Variants in KLHDC7B observed in about 807,000 individuals in gnomAD.
KLHDC7B encodes the protein kelch domain containing 7B.
A neutral mutation model predicts 0.6 loss-of-function variants in KLHDC7B; 1 was observed. That is an observed-to-expected ratio of 1.71 (90% CI 0.61 to 8.11). The LOEUF (loss-of-function observed/expected upper bound fraction) is 8.11. KLHDC7B is among the 30% of genes most tolerant of loss of function. The probability of loss-of-function intolerance (pLI) is 0.13; values close to 1 mark genes in which losing one functional copy is unlikely to be tolerated. For synonymous variants in KLHDC7B, 462 were observed against 405.2 expected (o/e 1.14, Z -1.68); for missense variants, 993 against 894.9 (o/e 1.11, Z -1.40).
Position 50,550,006 on chromosome 22 carries a change from G to A in KLHDC7B, c.*55G>A. 6.9e-7 allele frequency: 1 copy of A among 1,450,798 alleles called. No individual in the cohort carries two copies. 89.9% of individuals were successfully genotyped at this position (1,450,798 alleles called of 1,614,324 possible). A position where few individuals can be genotyped will look rare whatever the true frequency, so the allele number is the denominator to read the frequency against. On this transcript the variant is annotated 3_prime_UTR_variant, in exon 1 of 1. Transcript: ENST00000648057. ...CTGCTCTCCAGGGAGACCCTCCTGG[G>A]ATGGGCCTGAGAGGCCGGGGCTCAG...
In KLHDC7B at chr22:50,548,618, CG is replaced by C; in HGVS notation, c.457del (p.Asp153ThrfsTer93). The C allele has an allele frequency of 6.5e-7, 1 of 1,542,628 alleles. No individual in the cohort carries two copies. ...GAGCAGGAGGTCAGGCCGGCCGCCT[CG>C]GGGGACCCTCAAGGGGAGGCGCCGG... On this transcript the variant is annotated frameshift_variant, in exon 1 of 1. Coordinates refer to the KLHDC7B transcript ENST00000395676. LOFTEE classifies it low-confidence loss of function (END_TRUNC). The surrounding 1 kb of genome is among the most constrained non-coding windows in gnomAD (Gnocchi z 5.3).
In KLHDC7B at chr22:50,549,045, G is replaced by C. The variant is rs1323256698; in HGVS notation, c.2802G>C (p.Gln934His). ...TCCTCGTACTGCCCAGCCTCTACCA[G>C]GGGGGCCGCTCAGGGCTCCCCAGGG... ...LGVLVLPSLY[Q>H]GGRSGLPRGP... Residue 934 changes from glutamine to histidine, a missense_variant, in exon 1 of 1, where the codon CAG becomes CAC. Gln to His is a conservative substitution (Grantham distance 24). Coordinates refer to ENST00000648057, the MANE Select transcript of KLHDC7B (RefSeq NM_138433.5). The C allele has an allele frequency of 1.3e-6, 2 of 1,596,404 alleles. No homozygotes were observed. The highest frequency in any genetic ancestry group is 2.7e-5 in the African/African-American group (2 of 74,738).
Position 50,548,973 on chromosome 22 carries a change from G to A in KLHDC7B, c.2730G>A (p.Glu910=). 1.3e-6 allele frequency: 2 copies of A among 1,598,848 alleles called. No individual in the cohort carries two copies. Among genetic ancestry groups the A allele is most frequent in the Non-Finnish European group, 1.7e-6 (2 of 1,174,984 alleles). ...GCCGGCTGAGCGCGGCCGACCGCGA[G>A]CGCATCCTCAGCCTGCGGACCGGCC... ...LYRRLSAADR[E]RILSLRTGRG... The change falls in exon 1 of 1, where the codon GAG becomes GAA. Residue 910 remains glutamate (E), a synonymous_variant. Transcript: ENST00000648057. The surrounding 1 kb of genome is among the most constrained non-coding windows in gnomAD (Gnocchi z 5.3).
Position 50,550,061 on chromosome 22 carries a change from C to T in KLHDC7B, c.*110C>T, listed in dbSNP as rs892069949. 4.4e-5 allele frequency: 52 copies of T among 1,170,152 alleles called. No individual in the cohort carries two copies. The East Asian group carries it at 4.8e-4, about 11-fold the overall frequency. The allele number at this position is 1,170,152 out of a possible 1,614,324, so 72.5% of individuals were successfully genotyped here. A position where few individuals can be genotyped will look rare whatever the true frequency, so the allele number is the denominator to read the frequency against. On this transcript the variant is annotated 3_prime_UTR_variant, in exon 1 of 1. Transcript: ENST00000648057. The stretch of plus-strand genomic sequence containing the variant: ...GGGGCTGGGATCGGAACTTCCTGCT[C>T]TTGTTTCTGGACAACTTTCCCCTTC...
Position 50,549,936 on chromosome 22 carries a change from G to A in KLHDC7B, c.3693G>A (p.Leu1231=), listed in dbSNP as rs768829411. 2.6e-6 allele frequency: 4 copies of A among 1,567,564 alleles called. No individual in the cohort carries two copies. In the Admixed American group the frequency reaches 5.3e-5, roughly 21 times the overall value. ...FILTLPPEDR[L]QTSL is the part of the protein sequence containing the mutation. ...TGACTCTGCCCCCTGAGGACCGGCT[G>A]CAGACCTCACTCTGAGTGGCAGGCA... The change falls in exon 1 of 1, where the codon CTG becomes CTA. Residue 1231 remains leucine (L), a synonymous_variant. Transcript: ENST00000648057.
rs1002026267 is a variant in KLHDC7B, at chr22:50,546,905, C to G, written c.662C>G (p.Ser221Trp). ...CCCTGGCAGGCGGGCGCGGGGCCCT[C>G]GGGCTCGATGGGGAGAGGCCGGGGC... ...TGPWQAGAGP[S>W]GSMGRGRGRR... The change falls in exon 1 of 1, where the codon TCG becomes TGG. Residue 221 changes from serine (S) to tryptophan (W), a missense_variant. Physicochemically the swap from Ser to Trp is radical, Grantham distance 177. Coordinates refer to ENST00000648057, the MANE Select transcript of KLHDC7B (RefSeq NM_138433.5). Among the ~76,000 whole-genome samples, 1 of 151,986 alleles carries G rather than the reference C, an allele frequency of 6.6e-6. No individual in the cohort carries two copies. The highest frequency in any genetic ancestry group is 1.5e-5 in the Non-Finnish European group (1 of 67,940).
rs2069770494 is a variant in KLHDC7B at position 50,549,013 on chromosome 22, C to T, written c.2770C>T (p.Leu924=). 3 of 1,595,516 alleles carry T rather than the reference C, an allele frequency of 1.9e-6. No individual in the cohort carries two copies. The highest frequency in any genetic ancestry group is 2.6e-6 in the Non-Finnish European group (3 of 1,175,422). ...SLRTGRGRAV[L]GVLVLPSLYQ... is the part of the protein sequence containing the mutation. Reference sequence around the variant, plus strand: ...GCGGACCGGCCGGGGCCGGGCGGTGCTGGGCGTCCTCGTACTGCCCAGCCT... The same window carrying T: ...GCGGACCGGCCGGGGCCGGGCGGTGTTGGGCGTCCTCGTACTGCCCAGCCT... Residue 924 remains leucine, a synonymous_variant, in exon 1 of 1, where the codon CTG becomes TTG. Coordinates refer to ENST00000648057, the MANE Select transcript of KLHDC7B (RefSeq NM_138433.5).
chr22:50,549,940 A>G lies in KLHDC7B; in HGVS notation c.3697A>G (p.Thr1233Ala). ...LTLPPEDRLQ[T>A]SL ...TCTGCCCCCTGAGGACCGGCTGCAG[A>G]CCTCACTCTGAGTGGCAGGCAGAGA... Residue 1233 changes from threonine (T) to alanine (A), a missense_variant, in exon 1 of 1, where the codon ACC becomes GCC. Transcript: ENST00000648057. 1 of 1,560,678 alleles carries G rather than the reference A, an allele frequency of 6.4e-7. No homozygotes were observed.
chr22:50,548,214 G>T lies in KLHDC7B; in HGVS notation c.1971G>T (p.Gly657=), dbSNP rs1387793206. 1 of 1,548,496 alleles carries T rather than the reference G, an allele frequency of 6.5e-7. No homozygotes were observed. Among genetic ancestry groups the T allele is most frequent in the Middle Eastern group, 1.7e-4 (1 of 5,978 alleles). ...HPFPRQDRPQ[G]SVPRAVPGSP... ...TCCCCAGGCAAGACAGGCCCCAAGG[G>T]AGTGTCCCGAGGGCGGTTCCCGGGA... is the stretch of plus-strand genomic sequence containing the variant. The change falls in exon 1 of 1, where the codon GGG becomes GGT. Residue 657 remains glycine (G), a synonymous_variant. Coordinates refer to ENST00000648057, the MANE Select transcript of KLHDC7B (RefSeq NM_138433.5). The surrounding 1 kb of genome is among the most constrained non-coding windows in gnomAD (Gnocchi z 5.3).
chr22:50,549,744 G>GCCCCC lies in KLHDC7B; in HGVS notation c.1581_1582insCCCCC (p.Ala528ProfsTer57). The GCCCCC allele has an allele frequency of 1.3e-6, 2 of 1,554,580 alleles. No homozygotes were observed. Among genetic ancestry groups the GCCCCC allele is most frequent in the Admixed American group, 2.0e-5 (1 of 50,754 alleles). ...GGAGCAGGGCTGCCTCCCTGCCCCTGCCCGCCCCCGCCCCACTGCACTGCA... is the reference window on the plus strand; with the variant it reads ...GGAGCAGGGCTGCCTCCCTGCCCCTGCCCCCCCCGCCCCCGCCCCACTGCACTGCA... On this transcript the variant is annotated frameshift_variant, in exon 1 of 1. Coordinates refer to the KLHDC7B transcript ENST00000395676. LOFTEE classifies it low-confidence loss of function (END_TRUNC).
rs1416207386 is a variant in KLHDC7B, at chr22:50,548,388, C to G, written c.2145C>G (p.Pro715=). 3 of 1,554,236 alleles carry G rather than the reference C, an allele frequency of 1.9e-6. No individual in the cohort carries two copies. Among genetic ancestry groups the G allele is most frequent in the South Asian group, 2.4e-5 (2 of 84,328 alleles). ...GAAGCTCCGAGACCAACGGATCGCC[C>G]AGCCCAGACCCTCCCCCAGGCCTAA... is the stretch of plus-strand genomic sequence containing the variant. The part of the protein sequence containing the change: ...QPRSSETNGS[P]SPDPPPGLRG... Residue 715 remains proline (P), a synonymous_variant, in exon 1 of 1, where the codon CCC becomes CCG. Coordinates refer to ENST00000648057, the MANE Select transcript of KLHDC7B (RefSeq NM_138433.5). This position sits in a 1 kb window ranked among gnomAD's most constrained non-coding sequence, Gnocchi z 5.3.
chr22:50,548,716 G>T lies in KLHDC7B; in HGVS notation c.2473G>T (p.Val825Leu). ...GCAGGAGGAGGCCCGGAAGCTCATG[G>T]TGTTTCTGCAGAGGCCCGGGGGTTG... ...EKQEEARKLM[V>L]FLQRPGGWGV... The change falls in exon 1 of 1, where the codon GTG becomes TTG. Residue 825 changes from valine to leucine, a missense_variant. Physicochemically the swap from Val to Leu is conservative, Grantham distance 32 (BLOSUM62 1). Coordinates refer to ENST00000648057, the MANE Select transcript of KLHDC7B (RefSeq NM_138433.5). This position sits in a 1 kb window ranked among gnomAD's most constrained non-coding sequence, Gnocchi z 5.3. The T allele has an allele frequency of 6.6e-7, 1 of 1,506,400 alleles. No homozygotes were observed. Among genetic ancestry groups the T allele is most frequent in the Non-Finnish European group, 8.9e-7 (1 of 1,128,730 alleles). The allele number at this position is 1,506,400 out of a possible 1,614,324, so 93.3% of individuals were successfully genotyped here.
chr22:50,547,436 C>G lies in KLHDC7B; in HGVS notation c.1193C>G (p.Ala398Gly), dbSNP rs1461340454. The G allele has an allele frequency of 5.4e-6, 2 of 371,962 alleles. No individual in the cohort carries two copies. Among genetic ancestry groups the G allele is most frequent in the African/African-American group, 4.2e-5 (2 of 47,270 alleles). The allele number at this position is 371,962 out of a possible 1,614,324, so 23.0% of individuals were successfully genotyped here. A position where few individuals can be genotyped will look rare whatever the true frequency, so the allele number is the denominator to read the frequency against. ...DLGPTRPPEQAKPAAAGHSRA... is the reference protein window; with the variant it reads ...DLGPTRPPEQGKPAAAGHSRA... ...GGGCCCACCCGGCCCCCGGAGCAAG[C>G]AAAGCCGGCTGCAGCCGGCCACAGC... is the stretch of plus-strand genomic sequence containing the variant. The change falls in exon 1 of 1, where the codon GCA (alanine) becomes GGA (glycine). Residue 398 changes from alanine to glycine, a missense_variant. By Grantham distance (60) the Ala-to-Gly change is moderately conservative. Coordinates refer to ENST00000648057, the MANE Select transcript of KLHDC7B (RefSeq NM_138433.5).
rs1476219172 is a variant in KLHDC7B at position 50,549,120 on chromosome 22, A to G, written c.2877A>G (p.Leu959=). The G allele has an allele frequency of 6.2e-7, 1 of 1,602,038 alleles. No individual in the cohort carries two copies. Among genetic ancestry groups the G allele is most frequent in the Admixed American group, 1.7e-5 (1 of 60,008 alleles). Residue 959 remains leucine, a synonymous_variant, in exon 1 of 1, where the codon CTA becomes CTG. Coordinates refer to ENST00000648057, the MANE Select transcript of KLHDC7B (RefSeq NM_138433.5). The part of the protein sequence containing the change: ...PPAAAPVSLP[L]PAHLHVFNPR... ...CGGCGGCCCCTGTGTCCCTGCCTCT[A>G]CCTGCGCACCTGCATGTGTTCAACC...
In KLHDC7B at chr22:50,549,193, C is replaced by G. The variant is rs749394714; in HGVS notation, c.2950C>G (p.Pro984Ala). ...RPLTQVPEEA[P>A]LRGCGLCTMH... Reference sequence around the variant, plus strand: ...CCTGACCCAGGTGCCCGAGGAGGCCCCGCTTCGGGGCTGCGGTCTCTGCAC... The same window carrying G: ...CCTGACCCAGGTGCCCGAGGAGGCCGCGCTTCGGGGCTGCGGTCTCTGCAC... The change falls in exon 1 of 1, where the codon CCG becomes GCG. Residue 984 changes from proline to alanine, a missense_variant. Physicochemically the swap from Pro to Ala is conservative, Grantham distance 27. Transcript: ENST00000648057. 8.7e-6 allele frequency: 14 copies of G among 1,606,384 alleles called. No homozygotes were observed. Among genetic ancestry groups the G allele is most frequent in the Non-Finnish European group, 1.1e-5 (13 of 1,179,758 alleles).
At position 50,550,820 on chromosome 22, in the gene KLHDC7B, C is replaced by T. The variant is rs1013668717; in HGVS notation, c.*869C>T. On this transcript the variant is annotated 3_prime_UTR_variant, in exon 1 of 1. Coordinates refer to ENST00000648057, the MANE Select transcript of KLHDC7B (RefSeq NM_138433.5). ...GACAAGATCACAGCTATGAGCACCT[C>T]GCACGGTGTCCAGGATGCACAGCAC... 6 of 180,410 alleles carry T rather than the reference C, an allele frequency of 3.3e-5. No homozygotes were observed. The East Asian group carries it at 6.6e-4, about 20-fold the overall frequency. The allele number at this position is 180,410 out of a possible 1,614,324, so 11.2% of individuals were successfully genotyped here. A position where few individuals can be genotyped will look rare whatever the true frequency, so the allele number is the denominator to read the frequency against.
rs747375097 is a variant in KLHDC7B, at chr22:50,549,112, C to T, written c.2869C>T (p.Leu957=). The T allele has an allele frequency of 6.9e-6, 11 of 1,601,670 alleles. No homozygotes were observed. The Admixed American group carries it at 1.5e-4, about 22-fold the overall frequency. ...EEPPAAAPVS[L]PLPAHLHVFN... ...GCCTCCTGCGGCGGCCCCTGTGTCCCTGCCTCTACCTGCGCACCTGCATGT... is the reference window on the plus strand; with the variant it reads ...GCCTCCTGCGGCGGCCCCTGTGTCCTTGCCTCTACCTGCGCACCTGCATGT... Residue 957 remains leucine (L), a synonymous_variant, in exon 1 of 1, where the codon CTG becomes TTG. Transcript: ENST00000648057.
Position 50,549,112 on chromosome 22 carries a change from CT to C in KLHDC7B, c.947del (p.Leu316ArgfsTer20). ...GCCTCCTGCGGCGGCCCCTGTGTCCCTGCCTCTACCTGCGCACCTGCATGTG... is the reference window on the plus strand; with the variant it reads ...GCCTCCTGCGGCGGCCCCTGTGTCCCGCCTCTACCTGCGCACCTGCATGTG... On this transcript the variant is annotated frameshift_variant, in exon 1 of 1. Coordinates refer to the KLHDC7B transcript ENST00000395676. LOFTEE classifies it low-confidence loss of function (END_TRUNC). The C allele has an allele frequency of 6.2e-7, 1 of 1,601,670 alleles. No homozygotes were observed.
At position 50,548,594 on chromosome 22, in the gene KLHDC7B, A is replaced by C; in HGVS notation, c.2351A>C (p.Glu784Ala). Residue 784 changes from glutamate (E) to alanine (A), a missense_variant, in exon 1 of 1, where the codon GAG becomes GCG. Coordinates refer to ENST00000648057, the MANE Select transcript of KLHDC7B (RefSeq NM_138433.5). This position sits in a 1 kb window ranked among gnomAD's most constrained non-coding sequence, Gnocchi z 5.3. The part of the protein sequence containing the change: ...RSRCEIAPSS[E>A]QEVRPAASGD... ...AGGTGCGAAATCGCCCCGAGCTCGG[A>C]GCAGGAGGTCAGGCCGGCCGCCTCG... 2 of 1,545,614 alleles carry C rather than the reference A, an allele frequency of 1.3e-6. No individual in the cohort carries two copies. The highest frequency in any genetic ancestry group is 1.7e-6 in the Non-Finnish European group (2 of 1,146,450).
Sources: gnomAD v4.1 joint callset for allele counts (sites outside exome capture counted in the v4.1 genomes callset) on GRCh38, gnomAD v4.1.1 for gene constraint, Gnocchi (gnomAD v3.1) non-coding constraint, MANE v1.5 for transcripts, NCBI Gene and HGNC (gene_info 2026-07-23, HGNC 2026-07-21) for gene names.